Variants in IFFO1 observed in about 807,000 individuals in gnomAD.
The protein encoded by IFFO1 is intermediate filament family orphan 1.
A neutral mutation model predicts 59.6 loss-of-function variants in IFFO1; 42 were observed. The ratio of observed to expected loss-of-function variants is 0.70; its 90% confidence interval spans 0.55 to 0.91. IFFO1 has a LOEUF of 0.91. Among genes scored for constraint, IFFO1 ranks in the 40% least tolerant of loss-of-function variants. IFFO1 has a pLI of 0.00. For missense variants in IFFO1, 711 were observed against 793.2 expected (o/e 0.90, Z 1.24); for synonymous variants, 336 against 342.8 (o/e 0.98, Z 0.22).
Position 6,540,537 on chromosome 12 carries a change from T to C in IFFO1, c.1662A>G (p.Pro554=). ...CGCGATCGGAGTCCTCAGCCTCGCT[T>C]GGCGGCGGCGGCGGGTCGCTAAGCG... ...AVPLSDPPPP[P]SEAEDSDRDV... Residue 554 remains proline, a synonymous_variant, in exon 10 of 10, where the codon CCA becomes CCG. Coordinates refer to ENST00000619571, the MANE Select transcript of IFFO1 (RefSeq NM_001193457.2). 1 of 1,613,590 alleles carries C rather than the reference T, an allele frequency of 6.2e-7. No homozygotes were observed. The highest frequency in any genetic ancestry group is 8.5e-7 in the Non-Finnish European group (1 of 1,179,702).
rs1946735654 is a variant in IFFO1, at chr12:6,541,893, T to C, written c.1480-251A>G. The stretch of plus-strand genomic sequence containing the variant: ...AAAGGTACTGCTGCAGGCTGTGTTC[T>C]TTTAAGACTGATAAGAGTGGTGAGG... On this transcript the variant is annotated intron_variant, in intron 8 of 9. Transcript: ENST00000619571. This position sits in a 1 kb window ranked among gnomAD's most constrained non-coding sequence, Gnocchi z 4.8. Among the ~76,000 whole-genome samples the C allele has an allele frequency of 1.3e-5, 2 of 152,234 alleles. No homozygotes were observed. The highest frequency in any genetic ancestry group is 1.3e-4 in the Admixed American group (2 of 15,288).
intron 8 of IFFO1, among the ~76,000 whole-genome samples, chr12:6,545,190 G>T (rs571393375): frequency 2.0e-4 from 31 of 152,088 alleles, no homozygotes. Context: ...ACTCCAGCCT[G>T]GGCGACACAG....
chr12:6,555,983 T>C lies in IFFO1; in HGVS notation c.47A>G (p.Gln16Arg), dbSNP rs1947435244. The C allele has an allele frequency of 6.4e-7, 1 of 1,574,248 alleles. No homozygotes were observed. The highest frequency in any genetic ancestry group is 2.3e-5 in the East Asian group (1 of 43,636). Reference sequence around the variant, plus strand: ...CCCCAGTGGCCCGGCCAGGCCCTGCTGCTCCTGCTGCAGGAGGAAGAGGTT... The same window carrying C: ...CCCCAGTGGCCCGGCCAGGCCCTGCCGCTCCTGCTGCAGGAGGAAGAGGTT... ...GPNLFLLQQE[Q>R]QGLAGPLGDS... Residue 16 changes from glutamine to arginine, a missense_variant, in exon 1 of 10, where the codon CAG (glutamine) becomes CGG (arginine). By Grantham distance (43) the Gln-to-Arg change is conservative (BLOSUM62 1). Transcript: ENST00000619571. This position sits in a 1 kb window ranked among gnomAD's most constrained non-coding sequence, Gnocchi z 8.6.
rs770103533 is a variant in IFFO1 at position 6,548,571 on chromosome 12, G to A, written c.1263-26C>T. On this transcript the variant is annotated intron_variant, in intron 6 of 9. Coordinates refer to ENST00000619571, the MANE Select transcript of IFFO1 (RefSeq NM_001193457.2). The surrounding 1 kb of genome is among the most constrained non-coding windows in gnomAD (Gnocchi z 6.1). ...CTAGAGACAGGGAACCCGGGTGTCAGGGCGGGCGGGGCCTCGTCCTGGCGG... is the reference window on the plus strand; with the variant it reads ...CTAGAGACAGGGAACCCGGGTGTCAAGGCGGGCGGGGCCTCGTCCTGGCGG... 1 of 1,613,496 alleles carries A rather than the reference G, an allele frequency of 6.2e-7. No individual in the cohort carries two copies. Among genetic ancestry groups the A allele is most frequent in the Non-Finnish European group, 8.5e-7 (1 of 1,179,588 alleles).
In IFFO1 at chr12:6,555,639, C is replaced by G; in HGVS notation, c.391G>C (p.Val131Leu). ...RRDQAVQTGFVSPIRPLGLQL... is the reference protein window; with the variant it reads ...RRDQAVQTGFLSPIRPLGLQL... ...AGCCCCAGGGGCCGGATGGGGCTGA[C>G]GAAGCCGGTCTGCACTGCCTGGTCG... The change falls in exon 1 of 10, where the codon GTC becomes CTC. Residue 131 changes from valine (V) to leucine (L), a missense_variant. Physicochemically the swap from Val to Leu is conservative, Grantham distance 32. Coordinates refer to ENST00000619571, the MANE Select transcript of IFFO1 (RefSeq NM_001193457.2). The surrounding 1 kb of genome is among the most constrained non-coding windows in gnomAD (Gnocchi z 8.6). 2 of 1,548,182 alleles carry G rather than the reference C, an allele frequency of 1.3e-6. No homozygotes were observed. Among genetic ancestry groups the G allele is most frequent in the Non-Finnish European group, 8.7e-7 (1 of 1,152,780 alleles).
At position 6,541,486 on chromosome 12, in the gene IFFO1, G is replaced by A. The variant is rs878945292; in HGVS notation, c.1610+26C>T. 2 of 1,611,544 alleles carry A rather than the reference G, an allele frequency of 1.2e-6. No homozygotes were observed. The highest frequency in any genetic ancestry group is 1.1e-5 in the South Asian group (1 of 91,034). On this transcript the variant is annotated intron_variant, in intron 9 of 9. Coordinates refer to ENST00000619571, the MANE Select transcript of IFFO1 (RefSeq NM_001193457.2). The surrounding 1 kb of genome is among the most constrained non-coding windows in gnomAD (Gnocchi z 4.8). ...TCTCCCCGCTGTGTCCCCCTGGAAG[G>A]CCCCATGCCCAGGGGAGGCGCCTAC... is the stretch of plus-strand genomic sequence containing the variant.
chr12:6,551,001 C>T lies in IFFO1; in HGVS notation c.774G>A (p.Arg258=), dbSNP rs1947209908. The change falls in exon 2 of 10, where the codon AGG becomes AGA. Residue 258 remains arginine (R), a splice_region_variant and synonymous_variant. Transcript: ENST00000619571. The part of the protein sequence containing the change: ...VKRERDEYKR[R]WEEEYTVRIQ... The stretch of plus-strand genomic sequence containing the variant: ...TCCGCACCGTGTACTCCTCTTCCCA[C>T]CTGACAGACATGGGAAGGGCGGAGA... 1 of 1,613,990 alleles carries T rather than the reference C, an allele frequency of 6.2e-7. No individual in the cohort carries two copies. Among genetic ancestry groups the T allele is most frequent in the African/African-American group, 1.3e-5 (1 of 74,944 alleles).
intron 3 of IFFO1, chr12:6,550,421 G>A: frequency 1.9e-6 from 1 of 523,834 alleles, no homozygotes; most frequent in Non-Finnish European, 3.4e-6. Flanking sequence ...CAGCGCCCCG[G>A]CGCCAGCTGC....
chr12:6,549,291 G>A lies in IFFO1; in HGVS notation c.1080+185C>T. On this transcript the variant is annotated intron_variant, in intron 5 of 9. Coordinates refer to ENST00000619571, the MANE Select transcript of IFFO1 (RefSeq NM_001193457.2). The surrounding 1 kb of genome is among the most constrained non-coding windows in gnomAD (Gnocchi z 5.0). ...ATCTGGAAAGCCGGGGGAGAAGGGA[G>A]AGAAAGAAATGCAGTCAAGAGAACA... 1 of 662,262 alleles carries A rather than the reference G, an allele frequency of 1.5e-6. No homozygotes were observed. The highest frequency in any genetic ancestry group is 2.7e-6 in the Non-Finnish European group (1 of 373,202). The allele number at this position is 662,262 out of a possible 1,614,324, so 41.0% of individuals were successfully genotyped here.
At chr12:6,550,617 G>A (rs1947187907) in intron 3 of IFFO1, 78 bp downstream of exon 3, 2 of 1,125,420 alleles carry the variant, frequency 1.8e-6, no homozygotes, top group South Asian at 1.3e-5. Context: ...GAGGCCAACA[G>A]GCCAACACTA....
At chr12:6,546,651 T>G (rs1406401904) in intron 8 of IFFO1, among the ~76,000 whole-genome samples, 1 of 89,786 alleles carries the variant, frequency 1.1e-5, no homozygotes, top group East Asian at 3.5e-4. Flanking sequence ...GGCCAGCTAA[T>G]TTTTTTTTTT....
intron 8 of IFFO1, among the ~76,000 whole-genome samples, chr12:6,546,237 A>G (rs1399435633): frequency 6.6e-6 from 1 of 152,240 alleles, no homozygotes; most frequent in Non-Finnish European, 1.5e-5. Flanking sequence ...GGTCAGTGCT[A>G]TCTTTGGTTT....
Position 6,548,877 on chromosome 12 carries a change from G to A in IFFO1, c.1081-28C>T, listed in dbSNP as rs1947101356. The A allele has an allele frequency of 6.3e-7, 1 of 1,581,274 alleles. No homozygotes were observed. The highest frequency in any genetic ancestry group is 8.6e-7 in the Non-Finnish European group (1 of 1,160,070). ...ACAGAGACGAGGCCGGGTGCATGAG[G>A]AGAAAGGGCGGGAGCGGGAGGCCGG... On this transcript the variant is annotated intron_variant, in intron 5 of 9. Coordinates refer to ENST00000619571, the MANE Select transcript of IFFO1 (RefSeq NM_001193457.2). The surrounding 1 kb of genome is among the most constrained non-coding windows in gnomAD (Gnocchi z 6.1).
rs923044290 is a variant in IFFO1 at position 6,555,186 on chromosome 12, C to T, written c.773+71G>A. The stretch of plus-strand genomic sequence containing the variant: ...TCTTTTCACCCCTGATTCTTCGGAA[C>T]CCACACCAACTCGCGGCCCGTTGTG... On this transcript the variant is annotated intron_variant, in intron 1 of 9. Transcript: ENST00000619571. The surrounding 1 kb of genome is among the most constrained non-coding windows in gnomAD (Gnocchi z 8.6). 68 of 1,480,384 alleles carry T rather than the reference C, an allele frequency of 4.6e-5. No individual in the cohort carries two copies. In the African/African-American group the frequency reaches 7.6e-4, roughly 17 times the overall value. The allele number at this position is 1,480,384 out of a possible 1,614,324, so 91.7% of individuals were successfully genotyped here.
rs925511726 is a variant in IFFO1 at position 6,541,274 on chromosome 12, A to G, written c.1610+238T>C. ...TTTTAAACTGCCTCTAACCAGGGGA[A>G]CCACCAGAGCTGGTGGCCTTGGGAG... On this transcript the variant is annotated intron_variant, in intron 9 of 9. Transcript: ENST00000619571. The surrounding 1 kb of genome is among the most constrained non-coding windows in gnomAD (Gnocchi z 4.8). Among the ~76,000 whole-genome samples the G allele has an allele frequency of 2.6e-5, 4 of 152,166 alleles. No homozygotes were observed. Among genetic ancestry groups the G allele is most frequent in the Admixed American group, 6.5e-5 (1 of 15,278 alleles).
Position 6,540,541 on chromosome 12 carries a change from G to A in IFFO1, c.1658C>T (p.Pro553Leu). 3.1e-6 allele frequency: 5 copies of A among 1,613,972 alleles called. No individual in the cohort carries two copies. Among genetic ancestry groups the A allele is most frequent in the African/African-American group, 1.3e-5 (1 of 75,070 alleles). ...ATCGGAGTCCTCAGCCTCGCTTGGCGGCGGCGGCGGGTCGCTAAGCGGGAC... is the reference window on the plus strand; with the variant it reads ...ATCGGAGTCCTCAGCCTCGCTTGGCAGCGGCGGCGGGTCGCTAAGCGGGAC... ...TAVPLSDPPP[P>L]PSEAEDSDRD... The change falls in exon 10 of 10, where the codon CCG (proline) becomes CTG (leucine). Residue 553 changes from proline (P) to leucine (L), a missense_variant. By Grantham distance (98) the Pro-to-Leu change is moderately conservative. This residue lies in a region of IFFO1 where 579 missense variants were observed against 650.3 expected (regional missense o/e 0.89). Transcript: ENST00000619571.
intron 8 of IFFO1, among the ~76,000 whole-genome samples, chr12:6,542,767 A>G (rs964693819): frequency 1.3e-5 from 2 of 152,184 alleles, no homozygotes; most frequent in Non-Finnish European, 1.5e-5. Context: ...CCCAGGGGGA[A>G]AATACAGTGC....
Position 6,550,750 on chromosome 12 carries a change from A to G in IFFO1, c.875T>C (p.Leu292Pro). 1 of 1,614,184 alleles carries G rather than the reference A, an allele frequency of 6.2e-7. No individual in the cohort carries two copies. The highest frequency in any genetic ancestry group is 8.5e-7 in the Non-Finnish European group (1 of 1,180,026). ...EADACQEELA[L>P]KVEQLKAELV... ...CTCAGCCTTCAACTGTTCCACCTTC[A>G]GTGCCAGCTCCTCCTGGCAGGCATC... Residue 292 changes from leucine to proline, a missense_variant, in exon 3 of 10, where the codon CTG becomes CCG. Transcript: ENST00000619571.
chr12:6,546,773 G>A (rs985165842), intron 8 of IFFO1, among the ~76,000 whole-genome samples: 4 of 152,180 alleles, frequency 2.6e-5, no homozygotes, highest in African/African-American at 9.7e-5. Flanking sequence ...ACAGGCGTGA[G>A]CCACCGCGCC....
Sources: allele counts gnomAD v4.1 joint callset (sites outside exome capture counted in the v4.1 genomes callset), GRCh38; gene constraint gnomAD v4.1.1; regional missense constraint gnomAD v4.1.1; non-coding constraint Gnocchi (gnomAD v3.1); transcripts MANE v1.5; gene names NCBI Gene and HGNC (gene_info 2026-07-23, HGNC 2026-07-21).